The following ADIPOR1 variants were observed in gnomAD, a reference collection of about 807,000 sequenced individuals.
ADIPOR1 encodes adiponectin receptor protein 1.
Under a neutral mutation model 37.5 loss-of-function variants are expected in ADIPOR1, and 15 were observed. The observed-to-expected ratio is 0.40, with a 90% CI of 0.27 to 0.62. The LOEUF (loss-of-function observed/expected upper bound fraction) is 0.62. ADIPOR1 is among the 20% of genes least tolerant of loss of function. The pLI is 0.42. For synonymous variants in ADIPOR1, 173 were observed against 173.2 expected, an observed-to-expected ratio of 1.00 and a Z score of 0.01; for missense variants, 286 against 478.0, an observed-to-expected ratio of 0.60 and a Z score of 3.75.
At chr1:202,957,814 G>C (rs948429787) in intron 1 of ADIPOR1, among the ~76,000 whole-genome samples, 1 of 152,180 alleles carries the variant, frequency 6.6e-6, no homozygotes, top group South Asian at 2.1e-4. Context: ...CCCCACGCGC[G>C]GCGGCCTCGG....
intron 2 of ADIPOR1, among the ~76,000 whole-genome samples, chr1:202,950,055 C>T: frequency 6.6e-6 from 1 of 152,008 alleles, no homozygotes; most frequent in East Asian, 2.0e-4. Context: ...CTCTGCCTCC[C>T]AGATTCAAGC....
At chr1:202,954,150 C>T (rs1654690247) in intron 1 of ADIPOR1, 1 of 152,298 alleles carries the variant, frequency 6.6e-6, no homozygotes, top group Non-Finnish European at 1.5e-5. Context: ...GACCCAGAGT[C>T]ACCAAAACCT....
In ADIPOR1 at chr1:202,941,494, C is replaced by CT; in HGVS notation, c.*78dup. The CT allele has an allele frequency of 6.6e-7, 1 of 1,513,822 alleles. No individual in the cohort carries two copies. Among genetic ancestry groups the CT allele is most frequent in the Non-Finnish European group, 8.8e-7 (1 of 1,130,444 alleles). 93.8% of individuals were successfully genotyped at this position (1,513,822 alleles called of 1,614,324 possible). On this transcript the variant is annotated 3_prime_UTR_variant, in exon 8 of 8. Transcript: ENST00000340990. The stretch of plus-strand genomic sequence containing the variant: ...TTCTTCTAGAAACAGACAACTCAGA[C>CT]TCTTCCTCTCACTTCAGCAAAGAAG...
chr1:202,951,145 T>G lies in ADIPOR1; in HGVS notation c.-75A>C, dbSNP rs1654566356. The G allele has an allele frequency of 6.4e-7, 1 of 1,558,488 alleles. No individual in the cohort carries two copies. The highest frequency in any genetic ancestry group is 8.8e-7 in the Non-Finnish European group (1 of 1,136,180). On this transcript the variant is annotated 5_prime_UTR_variant, in exon 2 of 8. Coordinates refer to ENST00000340990, the MANE Select transcript of ADIPOR1 (RefSeq NM_015999.6). ...GTCTCTCAGCCCCAGGGGGCAGAGA[T>G]CTCCCTCTGATGGTAGACACTAAAA...
In ADIPOR1 at chr1:202,941,617, G is replaced by A. The variant is rs1485692750; in HGVS notation, c.1084C>T (p.Arg362Cys). The A allele has an allele frequency of 2.5e-6, 4 of 1,614,130 alleles. No homozygotes were observed. The highest frequency in any genetic ancestry group is 1.1e-5 in the South Asian group (1 of 91,080). The part of the protein sequence containing the change: ...FYGVSNLQEF[R>C]YGLEGGCTDD... ...GTACAGCCGCCTTCTAGGCCGTAAC[G>A]GAATTCCTGAAGGTTGGAGACTCCA... Residue 362 changes from arginine to cysteine, a missense_variant, in exon 8 of 8, where the codon CGT (arginine) becomes TGT (cysteine). Transcript: ENST00000340990.
intron 4 of ADIPOR1, among the ~76,000 whole-genome samples, chr1:202,945,991 C>CT (rs1484516619): frequency 7.5e-6 from 1 of 133,976 alleles, no homozygotes; most frequent in African/African-American, 3.0e-5. Context: ...AACCAAACCC[C>CT]CCCCCACCCC....
At chr1:202,957,468 G>GA (rs77863223) in intron 1 of ADIPOR1, among the ~76,000 whole-genome samples, 14,501 of 150,944 alleles carry the variant, frequency 0.096, 1,789 homozygotes, top group African/African-American at 0.28. Flanking sequence ...GAAACTGAGG[G>GA]AAAAAAAACA....
intron 2 of ADIPOR1, among the ~76,000 whole-genome samples, chr1:202,949,663 G>A (rs1344951849): frequency 2.7e-5 from 4 of 150,694 alleles, no homozygotes; most frequent in Non-Finnish European, 5.9e-5. Context: ...CCAAGGCTCC[G>A]AATCATGGCT....
At position 202,944,007 on chromosome 1, in the gene ADIPOR1, A is replaced by G; in HGVS notation, c.618-62T>C. The G allele has an allele frequency of 1.7e-5, 24 of 1,449,678 alleles. No individual in the cohort carries two copies. In the South Asian group the frequency reaches 2.9e-4, roughly 18 times the overall value. 89.8% of individuals were successfully genotyped at this position (1,449,678 alleles called of 1,614,324 possible). On this transcript the variant is annotated intron_variant, in intron 5 of 7. Transcript: ENST00000340990. ...GGAAATGAATTTGTATGGCTCATTT[A>G]ACTAGCTCTTTCTGTTCTCCACCTG...
Position 202,943,919 on chromosome 1 carries a change from A to G in ADIPOR1, c.644T>C (p.Leu215Pro), listed in dbSNP as rs1219031614. The change falls in exon 6 of 8, where the codon CTA (leucine) becomes CCA (proline). Residue 215 changes from leucine (L) to proline (P), a missense_variant. Physicochemically the swap from Leu to Pro is moderately conservative, Grantham distance 98 (BLOSUM62 -3). Coordinates refer to ENST00000340990, the MANE Select transcript of ADIPOR1 (RefSeq NM_015999.6). ...CCAGGGGACAAAGCTCCCCATAATT[A>G]GAAGAGCAATCCCTGAATAGTCCAG... ...SKLDYSGIAL[L>P]IMGSFVPWLY... 1.2e-6 allele frequency: 2 copies of G among 1,613,706 alleles called. No individual in the cohort carries two copies. The highest frequency in any genetic ancestry group is 1.7e-6 in the Non-Finnish European group (2 of 1,179,846).
At chr1:202,947,663 T>C (rs1178686609) in intron 3 of ADIPOR1, among the ~76,000 whole-genome samples, 2 of 152,168 alleles carry the variant, frequency 1.3e-5, no homozygotes, top group South Asian at 2.1e-4. Flanking sequence ...GGAGATTCTA[T>C]CTCATGTCTC....
chr1:202,949,978 T>G (rs1429944994), intron 2 of ADIPOR1, among the ~76,000 whole-genome samples: 2 of 152,214 alleles, frequency 1.3e-5, no homozygotes, highest in African/African-American at 4.8e-5. Context: ...TTTTTGTTTT[T>G]TCTGAGAGGG....
chr1:202,942,127 C>G lies in ADIPOR1; in HGVS notation c.897G>C (p.Gln299His). The G allele has an allele frequency of 6.2e-7, 1 of 1,614,216 alleles. No homozygotes were observed. Among genetic ancestry groups the G allele is most frequent in the Non-Finnish European group, 8.5e-7 (1 of 1,180,030 alleles). Residue 299 changes from glutamine (Q) to histidine (H), a missense_variant, in exon 7 of 8, where the codon CAG becomes CAC. Physicochemically the swap from Gln to His is conservative, Grantham distance 24. Coordinates refer to ENST00000340990, the MANE Select transcript of ADIPOR1 (RefSeq NM_015999.6). ...CAGCCATGAGGAAGAACCAGCCCAT[C>G]TGGCCCACTGTGGTGGCCTTGACAA... Reference protein sequence around the residue: ...EGFVKATTVGQMGWFFLMAVM... With the variant: ...EGFVKATTVGHMGWFFLMAVM...
intron 1 of ADIPOR1, among the ~76,000 whole-genome samples, chr1:202,957,681 G>A (rs1460078531): frequency 2.0e-5 from 3 of 152,178 alleles, no homozygotes; most frequent in Admixed American, 1.3e-4. Context: ...ATCAAAGTGA[G>A]GGCACTGTCA....
Position 202,942,097 on chromosome 1 carries a change from C to T in ADIPOR1, c.927G>A (p.Met309Ile). 1 of 1,614,192 alleles carries T rather than the reference C, an allele frequency of 6.2e-7. No individual in the cohort carries two copies. The highest frequency in any genetic ancestry group is 8.5e-7 in the Non-Finnish European group (1 of 1,180,038). Residue 309 changes from methionine to isoleucine, a missense_variant, in exon 7 of 8, where the codon ATG (methionine) becomes ATA (isoleucine). Transcript: ENST00000340990. ...QMGWFFLMAV[M>I]YITGAGLYAA... ...CATAAAGGCCAGCTCCAGTGATGTA[C>T]ATCACAGCCATGAGGAAGAACCAGC...
chr1:202,952,326 T>C (rs1274217830), intron 1 of ADIPOR1, among the ~76,000 whole-genome samples: 2 of 151,866 alleles, frequency 1.3e-5, no homozygotes, highest in Non-Finnish European at 2.9e-5. Context: ...GCACATGGAG[T>C]GGGTTGCATT....
At chr1:202,944,947 T>G (rs201596216) in intron 5 of ADIPOR1, 36 bp downstream of exon 5, 2 of 1,571,336 alleles carry the variant, frequency 1.3e-6, no homozygotes, top group East Asian at 4.5e-5. Flanking sequence ...GTGACAACAG[T>G]GCACAGTATT....
In ADIPOR1 at chr1:202,948,398, G is replaced by A. The variant is rs1332456886; in HGVS notation, c.164C>T (p.Pro55Leu). ...CTCCTCCTCTTCTTCCTGGGGCACT[G>A]GGCATGTTTGCTCTTCTTCAGCCTA... is the stretch of plus-strand genomic sequence containing the variant. ...PPKAEEEQTC[P>L]VPQEEEEEVR... The change falls in exon 3 of 8, where the codon CCA becomes CTA. Residue 55 changes from proline (P) to leucine (L), a missense_variant. By Grantham distance (98) the Pro-to-Leu change is moderately conservative. Transcript: ENST00000340990. The A allele has an allele frequency of 1.2e-6, 2 of 1,613,948 alleles. No homozygotes were observed. Among genetic ancestry groups the A allele is most frequent in the Middle Eastern group, 1.6e-4 (1 of 6,062 alleles).
At chr1:202,952,285 A>T (rs1281905303) in intron 1 of ADIPOR1, among the ~76,000 whole-genome samples, 1 of 152,174 alleles carries the variant, frequency 6.6e-6, no homozygotes, top group African/African-American at 2.4e-5. Context: ...AAATAACCAC[A>T]TTGCAATGCA....
Sources: allele counts gnomAD v4.1 joint callset (sites outside exome capture counted in the v4.1 genomes callset), GRCh38; gene constraint gnomAD v4.1.1; transcripts MANE v1.5; gene names NCBI Gene and HGNC (gene_info 2026-07-23, HGNC 2026-07-21).